GPC5: variants seen among roughly 807,000 people sequenced by gnomAD.
The protein encoded by GPC5 is glypican-5.
In GPC5, 47 loss-of-function variants were observed where a neutral mutation model predicts 53.9. The observed-to-expected ratio is 0.87, with a 90% CI of 0.69 to 1.11. The LOEUF is 1.11. GPC5 is among the 50% of genes most tolerant of loss of function. The pLI, the probability that GPC5 is intolerant of heterozygous loss-of-function variation, is 0.00. For missense variants in GPC5, 748 were observed against 713.1 expected (o/e 1.05, Z -0.56); for synonymous variants, 286 against 263.3 (o/e 1.09, Z -0.84).
chr13:91,419,830 T>C (rs1167748656), intron 1 of GPC5, among the ~76,000 whole-genome samples: 1 of 152,158 alleles, frequency 6.6e-6, no homozygotes, highest in African/African-American at 2.4e-5. Context: ...TATGGAATGC[T>C]TTTAGCAGGA....
intron 7 of GPC5, among the ~76,000 whole-genome samples, chr13:92,562,140 T>G (rs117592204): frequency 6.6e-6 from 1 of 152,056 alleles, no homozygotes; most frequent in African/African-American, 2.4e-5. Flanking sequence ...GGTCCAAACA[T>G]GTAACACAGC....
intron 7 of GPC5, among the ~76,000 whole-genome samples, chr13:92,200,787 T>C (rs2042288690): frequency 1.3e-5 from 2 of 152,210 alleles, no homozygotes; most frequent in African/African-American, 4.8e-5. Context: ...CGAGCCCTGG[T>C]CAGGTGGCAT....
chr13:92,335,098 C>T (rs1261720434), intron 7 of GPC5, among the ~76,000 whole-genome samples: 2 of 152,154 alleles, frequency 1.3e-5, no homozygotes, highest in South Asian at 2.1e-4. Context: ...CCCACATTTC[C>T]CTTCAGCACT....
chr13:92,011,449 C>A, intron 6 of GPC5, among the ~76,000 whole-genome samples: 1 of 152,278 alleles, frequency 6.6e-6, no homozygotes, highest in East Asian at 1.9e-4. Flanking sequence ...AATACTCTGT[C>A]ATGTTTCCCA....
At chr13:91,492,756 C>T (rs927743250) in intron 2 of GPC5, among the ~76,000 whole-genome samples, 2 of 152,178 alleles carry the variant, frequency 1.3e-5, no homozygotes, top group South Asian at 2.1e-4. Flanking sequence ...TTAACCATCA[C>T]GATCATCCTT....
chr13:92,317,689 A>T lies in GPC5; in HGVS notation c.1561+172700A>T, dbSNP rs141603593. Reference sequence around the variant, plus strand: ...TTTTATTTTTTTATTTTTACTAGAGACAGGGTTTCACCATGTTGGCCAGGC... The same window carrying T: ...TTTTATTTTTTTATTTTTACTAGAGTCAGGGTTTCACCATGTTGGCCAGGC... On this transcript the variant is annotated intron_variant, in intron 7 of 7. Coordinates refer to ENST00000377067, the MANE Select transcript of GPC5 (RefSeq NM_004466.6). Among the ~76,000 whole-genome samples, 7 of 151,860 alleles carry T rather than the reference A, an allele frequency of 4.6e-5. No homozygotes were observed. The East Asian group carries it at 1.4e-3, about 29-fold the overall frequency.
chr13:92,056,779 C>CT (rs899199629), intron 6 of GPC5, among the ~76,000 whole-genome samples: 3 of 152,072 alleles, frequency 2.0e-5, no homozygotes, highest in African/African-American at 7.2e-5. Flanking sequence ...GTTGTCAAGA[C>CT]ATAAAGGAAA....
At chr13:92,661,280 T>C (rs1886333093) in intron 7 of GPC5, among the ~76,000 whole-genome samples, 1 of 151,030 alleles carries the variant, frequency 6.6e-6, no homozygotes, top group African/African-American at 2.4e-5. Flanking sequence ...GGCAACAGAA[T>C]GAGACCCTCT....
At chr13:92,030,942 T>C (rs1161623408) in intron 6 of GPC5, among the ~76,000 whole-genome samples, 1 of 152,220 alleles carries the variant, frequency 6.6e-6, no homozygotes, top group East Asian at 1.9e-4. Flanking sequence ...GAGCCTAATC[T>C]GTCCTGGCCG....
At chr13:92,170,878 G>A (rs1007343186) in intron 7 of GPC5, among the ~76,000 whole-genome samples, 4 of 152,106 alleles carry the variant, frequency 2.6e-5, no homozygotes, top group African/African-American at 9.7e-5. Flanking sequence ...GAAGTAGAAT[G>A]AGAAAAAATG....
chr13:91,443,397 C>T (rs1057108459), intron 1 of GPC5, among the ~76,000 whole-genome samples: 5 of 152,080 alleles, frequency 3.3e-5, no homozygotes, highest in Admixed American at 2.6e-4. Context: ...AGAGACCAAC[C>T]CAGTGGGCTC....
chr13:92,667,975 C>G (rs1886629650), intron 7 of GPC5, among the ~76,000 whole-genome samples: 1 of 152,078 alleles, frequency 6.6e-6, no homozygotes, highest in South Asian at 2.1e-4. Flanking sequence ...CCTAGACACA[C>G]TAAAGAGGTA....
chr13:92,633,114 C>T (rs577815224), intron 7 of GPC5, among the ~76,000 whole-genome samples: 5 of 152,146 alleles, frequency 3.3e-5, no homozygotes, highest in Non-Finnish European at 7.4e-5. Context: ...TGGTCATGAA[C>T]TCCTGACCTC....
chr13:91,412,183 A>G (rs1482979997), intron 1 of GPC5, among the ~76,000 whole-genome samples: 1 of 152,242 alleles, frequency 6.6e-6, no homozygotes, highest in Non-Finnish European at 1.5e-5. Context: ...TCTGTTTCAC[A>G]AATGCCTTTG....
At chr13:92,568,263 A>G (rs1372514827) in intron 7 of GPC5, among the ~76,000 whole-genome samples, 1 of 152,222 alleles carries the variant, frequency 6.6e-6, no homozygotes, top group African/African-American at 2.4e-5. Flanking sequence ...GTGTTAACCA[A>G]TCTGTTCAAA....
chr13:92,628,554 G>A (rs1885132129), intron 7 of GPC5, among the ~76,000 whole-genome samples: 1 of 151,946 alleles, frequency 6.6e-6, no homozygotes, highest in Non-Finnish European at 1.5e-5. Context: ...CAGGGAGAAG[G>A]GACAAAGGAG....
At chr13:92,008,840 G>GCT (rs1186677428) in intron 6 of GPC5, among the ~76,000 whole-genome samples, 1 of 151,978 alleles carries the variant, frequency 6.6e-6, no homozygotes, top group Non-Finnish European at 1.5e-5. Context: ...AGGTTAGTAT[G>GCT]CTCTGTTCAT....
At chr13:91,694,028 T>G (rs1423306280) in intron 3 of GPC5, 147 bp downstream of exon 3, 2 of 685,216 alleles carry the variant, frequency 2.9e-6, no homozygotes, top group African/African-American at 3.6e-5. Flanking sequence ...AAATTTTGAT[T>G]GGCTGAAATA....
intron 7 of GPC5, among the ~76,000 whole-genome samples, chr13:92,670,862 C>T (rs576487101): frequency 1.3e-5 from 2 of 152,254 alleles, no homozygotes; most frequent in Admixed American, 1.3e-4. Context: ...ATCTATTCCA[C>T]CTTGCAGTCC....
Sources: gnomAD v4.1 joint callset for allele counts (sites outside exome capture counted in the v4.1 genomes callset) on GRCh38, gnomAD v4.1.1 for gene constraint, MANE v1.5 for transcripts, NCBI Gene and HGNC (gene_info 2026-07-23, HGNC 2026-07-21) for gene names.